LMOD1: variants seen among roughly 807,000 people sequenced by gnomAD.
LMOD1 encodes the protein leiomodin 1, also known as leiomodin-1.
LMOD1 carries 8 observed loss-of-function variants against 36.5 expected under a neutral mutation model. That is an observed-to-expected ratio of 0.22 (90% CI 0.13 to 0.40). LMOD1 has a LOEUF of 0.40. LMOD1 is among the 10% of genes least tolerant of loss of function. The pLI is 1.00. For missense variants in LMOD1, 630 were observed against 751.1 expected, an observed-to-expected ratio of 0.84 and a Z score of 1.88; for synonymous variants, 284 against 288.7, an observed-to-expected ratio of 0.98 and a Z score of 0.17.
rs1250202480 is a variant in LMOD1 at position 201,898,256 on chromosome 1, G to A, written c.*116C>T. 2.9e-6 allele frequency: 3 copies of A among 1,041,580 alleles called. No homozygotes were observed. The highest frequency in any genetic ancestry group is 4.0e-5 in the Admixed American group (2 of 50,378). The allele number at this position is 1,041,580 out of a possible 1,614,324, so 64.5% of individuals were successfully genotyped here. A position where few individuals can be genotyped will look rare whatever the true frequency, so the allele number is the denominator to read the frequency against. ...CCCAGGCCTGGACTCTCCCATGGCA[G>A]AATAGGGACATCCACAGCAGGTCAG... On this transcript the variant is annotated 3_prime_UTR_variant, in exon 3 of 3. Transcript: ENST00000367288.
intron 1 of LMOD1, among the ~76,000 whole-genome samples, chr1:201,940,183 CTTTTTTTTT>C (rs34390949): frequency 8.1e-6 from 1 of 123,406 alleles, no homozygotes; most frequent in Non-Finnish European, 1.7e-5. Context: ...CAGCCAAGCT[CTTTTTTTTT>C]TTTTTTTTTT....
At chr1:201,910,733 A>G (rs971256592) in intron 1 of LMOD1, among the ~76,000 whole-genome samples, 40 of 111,894 alleles carry the variant, frequency 3.6e-4, no homozygotes, top group Non-Finnish European at 5.8e-4. Flanking sequence ...CCTTTTGCAG[A>G]TGGTGTCATT....
At chr1:201,940,431 C>T (rs907293316) in intron 1 of LMOD1, among the ~76,000 whole-genome samples, 2 of 151,830 alleles carry the variant, frequency 1.3e-5, no homozygotes, top group Non-Finnish European at 2.9e-5. Context: ...GTGATCCACC[C>T]GCCTCGGCCT....
At chr1:201,919,926 A>C (rs1476457807) in intron 1 of LMOD1, among the ~76,000 whole-genome samples, 6 of 151,616 alleles carry the variant, frequency 4.0e-5, no homozygotes, top group African/African-American at 1.5e-4. Flanking sequence ...TGGCCACTAA[A>C]CTATTGTAAG....
chr1:201,902,429 C>T (rs983348196), intron 1 of LMOD1, among the ~76,000 whole-genome samples: 21 of 147,042 alleles, frequency 1.4e-4, no homozygotes, highest in African/African-American at 4.7e-4. Flanking sequence ...GTGATGGGGG[C>T]TTGAGGTTTT....
At chr1:201,920,045 CTTTTTTTTTTTTT>C (rs576044641) in intron 1 of LMOD1, among the ~76,000 whole-genome samples, 2 of 52,502 alleles carry the variant, frequency 3.8e-5, no homozygotes, top group South Asian at 8.0e-4. Flanking sequence ...GGCTCTCTCT[CTTTTTTTTTTTTT>C]TTTTTTTTTT....
intron 1 of LMOD1, among the ~76,000 whole-genome samples, chr1:201,935,540 G>T (rs1328116440): frequency 6.6e-6 from 1 of 151,852 alleles, no homozygotes; most frequent in Non-Finnish European, 1.5e-5. Flanking sequence ...CAGCACTTTA[G>T]TTTTATTTAT....
At chr1:201,924,126 C>T (rs1470970999) in intron 1 of LMOD1, among the ~76,000 whole-genome samples, 1 of 150,440 alleles carries the variant, frequency 6.6e-6, no homozygotes, top group Non-Finnish European at 1.5e-5. Flanking sequence ...ACCATCCTGG[C>T]TAACACGGTG....
chr1:201,910,132 G>T (rs1252551330), intron 1 of LMOD1, among the ~76,000 whole-genome samples: 1 of 152,230 alleles, frequency 6.6e-6, no homozygotes, highest in Non-Finnish European at 1.5e-5. Context: ...TCTGAAGTGG[G>T]CAGAGCTTGG....
chr1:201,921,489 A>C (rs1681703200), intron 1 of LMOD1, among the ~76,000 whole-genome samples: 1 of 2,578 alleles, frequency 3.9e-4, no homozygotes, highest in Non-Finnish European at 1.2e-3. Context: ...CTCCATCTCA[A>C]AAAAAAAAAA....
At chr1:201,936,629 C>A (rs1040141047) in intron 1 of LMOD1, among the ~76,000 whole-genome samples, 2 of 152,074 alleles carry the variant, frequency 1.3e-5, no homozygotes. Context: ...CTAGCTCCTT[C>A]GGTCCATTTA....
At chr1:201,940,882 G>A (rs1360140881) in intron 1 of LMOD1, among the ~76,000 whole-genome samples, 2 of 151,906 alleles carry the variant, frequency 1.3e-5, no homozygotes, top group Non-Finnish European at 2.9e-5. Context: ...CCTAGTAGCT[G>A]GGATTACAGA....
intron 1 of LMOD1, among the ~76,000 whole-genome samples, chr1:201,925,596 G>A (rs1001471074): frequency 1.3e-5 from 2 of 151,872 alleles, no homozygotes; most frequent in African/African-American, 4.8e-5. Context: ...GTAGAAGCAG[G>A]AGGATGAACC....
intron 1 of LMOD1, among the ~76,000 whole-genome samples, chr1:201,935,461 T>C (rs2820327): frequency 0.51 from 77,912 of 151,826 alleles, 20,544 homozygotes; most frequent in Non-Finnish European, 0.58. Context: ...TTCTCTGCTG[T>C]TTCCCATGGC....
chr1:201,940,463 G>A lies in LMOD1; in HGVS notation c.261+5617C>T, dbSNP rs189059797. Among the ~76,000 whole-genome samples, 256 of 152,094 alleles carry A rather than the reference G, an allele frequency of 1.7e-3. 4 individuals are homozygous for A. Among genetic ancestry groups the A allele is most frequent in the Admixed American group, 0.016 (242 of 15,268 alleles). On this transcript the variant is annotated intron_variant, in intron 1 of 2. Transcript: ENST00000367288. ...GCCTCCCCAAGCACTGGGATTACAG[G>A]CATGAACCACGGCACCCGGCCTAAC...
chr1:201,913,926 C>T (rs766462434), intron 1 of LMOD1, among the ~76,000 whole-genome samples: 1 of 152,046 alleles, frequency 6.6e-6, no homozygotes, highest in East Asian at 1.9e-4. Flanking sequence ...CATTGATAGA[C>T]ACTTGGGCTG....
At chr1:201,932,989 C>A (rs1681951854) in intron 1 of LMOD1, among the ~76,000 whole-genome samples, 1 of 152,094 alleles carries the variant, frequency 6.6e-6, no homozygotes, top group South Asian at 2.1e-4. Context: ...CTAAAAATGT[C>A]CGAAAATGTT....
intron 1 of LMOD1, among the ~76,000 whole-genome samples, chr1:201,905,904 G>A (rs542179595): frequency 1.3e-5 from 2 of 152,364 alleles, no homozygotes; most frequent in South Asian, 4.1e-4. Flanking sequence ...TACCACTGCC[G>A]TGAATTCAGA....
At chr1:201,934,549 A>G (rs1305448530) in intron 1 of LMOD1, among the ~76,000 whole-genome samples, 1 of 152,168 alleles carries the variant, frequency 6.6e-6, no homozygotes, top group Non-Finnish European at 1.5e-5. Flanking sequence ...TCTTTCAAAA[A>G]TATCCTCCCT....
Sources: allele counts gnomAD v4.1 joint callset (sites outside exome capture counted in the v4.1 genomes callset), GRCh38; gene constraint gnomAD v4.1.1; transcripts MANE v1.5; gene names NCBI Gene and HGNC (gene_info 2026-07-23, HGNC 2026-07-21).